BEND3: variants seen among roughly 807,000 people sequenced by gnomAD.
BEND3 encodes BEN domain-containing protein 3.
Under a neutral mutation model 60.1 loss-of-function variants are expected in BEND3, and 13 were observed. That is an observed-to-expected ratio of 0.22 (90% CI 0.14 to 0.34). The LOEUF (loss-of-function observed/expected upper bound fraction) is 0.34. BEND3 is among the 10% of genes least tolerant of loss of function. BEND3 has a pLI of 1.00. For synonymous variants in BEND3, 497 were observed against 491.5 expected, an observed-to-expected ratio of 1.01 and a Z score of -0.15; for missense variants, 896 against 1,138.1, an observed-to-expected ratio of 0.79 and a Z score of 3.06.
chr6:107,069,345 G>A lies in BEND3; in HGVS notation c.1846C>T (p.His616Tyr). 6.2e-7 allele frequency: 1 copy of A among 1,612,934 alleles called. No homozygotes were observed. ...LDPSRIKLIR[H>Y]YVQLLYPRAK... ...CGTGGGTAGAGCAGCTGCACGTAGT[G>A]GCGGATGAGCTTGATGCGGGAGGGG... Residue 616 changes from histidine (H) to tyrosine (Y), a missense_variant, in exon 4 of 4, where the codon CAC becomes TAC. This residue lies in a region of BEND3 where 846 missense variants were observed against 1,036.7 expected (regional missense o/e 0.82). Transcript: ENST00000369042.
chr6:107,079,557 A>ACTGGT (rs1322587084), intron 3 of BEND3, among the ~76,000 whole-genome samples: 21 of 152,116 alleles, frequency 1.4e-4, no homozygotes, highest in Admixed American at 1.4e-3. Flanking sequence ...CCACAGCCTG[A>ACTGGT]CTGGTCTGTA....
In BEND3 at chr6:107,102,844, C is replaced by T. The variant is rs376661866; in HGVS notation, c.-11-3548G>A. Among the ~76,000 whole-genome samples the T allele has an allele frequency of 1.5e-4, 23 of 152,298 alleles. 2 individuals are homozygous for T. In the East Asian group the frequency reaches 2.7e-3, roughly 18 times the overall value. The stretch of plus-strand genomic sequence containing the variant: ...CACTGCATGTGTGCCTGTGCCTCAC[C>T]CTGAGCTATTTTAGTTCCAATTTCA... On this transcript the variant is annotated intron_variant, in intron 1 of 3. Transcript: ENST00000369042.
At chr6:107,085,043 C>G (rs2783038) in intron 3 of BEND3, among the ~76,000 whole-genome samples, 122,423 of 151,718 alleles carry the variant, frequency 0.81, 49,437 homozygotes, top group East Asian at 0.89. Flanking sequence ...CTCATCACGA[C>G]GGTCTGCGGC....
chr6:107,068,827 G>A lies in BEND3; in HGVS notation c.2364C>T (p.Tyr788=). The A allele has an allele frequency of 1.2e-6, 2 of 1,614,142 alleles. No individual in the cohort carries two copies. Among genetic ancestry groups the A allele is most frequent in the Non-Finnish European group, 1.7e-6 (2 of 1,180,048 alleles). ...RLIRHYVEAV[Y]PVEKMEEVWH... ...ACACCTCCTCCATCTTCTCCACCGGGTAGACGGCTTCCACGTAGTGGCGGA... is the reference window on the plus strand; with the variant it reads ...ACACCTCCTCCATCTTCTCCACCGGATAGACGGCTTCCACGTAGTGGCGGA... Residue 788 remains tyrosine (Y), a synonymous_variant, in exon 4 of 4, where the codon TAC becomes TAT. Transcript: ENST00000369042. This position sits in a 1 kb window ranked among gnomAD's most constrained non-coding sequence, Gnocchi z 5.8.
chr6:107,069,501 A>C lies in BEND3; in HGVS notation c.1690T>G (p.Tyr564Asp). 6.2e-7 allele frequency: 1 copy of C among 1,613,108 alleles called. No homozygotes were observed. The highest frequency in any genetic ancestry group is 1.7e-4 in the Middle Eastern group (1 of 6,060). The stretch of plus-strand genomic sequence containing the variant: ...TTGCCGATGGACAGGCTGCTCTCGT[A>C]GATGCTGCGTAGCTGCTCCTTGCTG... ...LLSKEQLRSI[Y>D]ESSLSIGNFA... is the part of the protein sequence containing the mutation. Residue 564 changes from tyrosine to aspartate, a missense_variant, in exon 4 of 4, where the codon TAC (tyrosine) becomes GAC (aspartate). By Grantham distance (160) the Tyr-to-Asp change is radical. Coordinates refer to ENST00000369042, the MANE Select transcript of BEND3 (RefSeq NM_001367314.1).
chr6:107,082,922 G>T (rs1775263067), intron 3 of BEND3, among the ~76,000 whole-genome samples: 1 of 152,188 alleles, frequency 6.6e-6, no homozygotes, highest in African/African-American at 2.4e-5. Context: ...ATTTTTGGGA[G>T]TTCCTTTAGG....
intron 1 of BEND3, among the ~76,000 whole-genome samples, chr6:107,104,183 G>C (rs575151288): frequency 1.3e-5 from 2 of 150,452 alleles, no homozygotes; most frequent in South Asian, 2.1e-4. Context: ...CCAGCTACTC[G>C]GGAGGCTGAG....
At chr6:107,097,567 G>A (rs1339752828) in intron 3 of BEND3, among the ~76,000 whole-genome samples, 1 of 151,952 alleles carries the variant, frequency 6.6e-6, no homozygotes, top group African/African-American at 2.4e-5. Flanking sequence ...AAGGCAGGCA[G>A]ATCACCTGAG....
Position 107,066,994 on chromosome 6 carries a change from C to A in BEND3, c.*1710G>T, listed in dbSNP as rs1015215972. Reference sequence around the variant, plus strand: ...GACAGAGAGTCATTCAGTCCCTGTGCCTTTCTAAATCTGTTTGCAGTTTCA... The same window carrying A: ...GACAGAGAGTCATTCAGTCCCTGTGACTTTCTAAATCTGTTTGCAGTTTCA... On this transcript the variant is annotated 3_prime_UTR_variant, in exon 4 of 4. Coordinates refer to ENST00000369042, the MANE Select transcript of BEND3 (RefSeq NM_001367314.1). The A allele has an allele frequency of 3.3e-5, 5 of 152,152 alleles. No individual in the cohort carries two copies. Among genetic ancestry groups the A allele is most frequent in the Non-Finnish European group, 7.4e-5 (5 of 68,026 alleles). 9.4% of individuals were successfully genotyped at this position (152,152 alleles called of 1,614,324 possible).
chr6:107,077,646 T>C (rs1433910893), intron 3 of BEND3, among the ~76,000 whole-genome samples: 5 of 151,928 alleles, frequency 3.3e-5, no homozygotes, highest in Non-Finnish European at 7.4e-5. Flanking sequence ...AAGATATGAG[T>C]GCACCTAAGG....
At chr6:107,074,433 AT>A (rs1243325301) in intron 3 of BEND3, among the ~76,000 whole-genome samples, 1 of 152,150 alleles carries the variant, frequency 6.6e-6, no homozygotes, top group Non-Finnish European at 1.5e-5. Flanking sequence ...ATACATAAAA[AT>A]TTATTATTAC....
chr6:107,082,157 C>T (rs770425334), intron 3 of BEND3, among the ~76,000 whole-genome samples: 33 of 152,296 alleles, frequency 2.2e-4, no homozygotes, highest in Non-Finnish European at 2.8e-4. Flanking sequence ...GCCAACAGGA[C>T]ACTAGCACAT....
chr6:107,108,993 A>G (rs1223770084), intron 1 of BEND3, among the ~76,000 whole-genome samples: 2 of 151,964 alleles, frequency 1.3e-5, no homozygotes, highest in African/African-American at 2.4e-5. Flanking sequence ...TTCACTAGAG[A>G]TGGGGTTTGG....
chr6:107,075,128 A>T (rs111299129), intron 3 of BEND3, among the ~76,000 whole-genome samples: 1 of 151,710 alleles, frequency 6.6e-6, no homozygotes, highest in Non-Finnish European at 1.5e-5. Flanking sequence ...AGGGAGGCTT[A>T]GGTGGGAGGA....
intron 3 of BEND3, among the ~76,000 whole-genome samples, chr6:107,083,911 G>C (rs1462893500): frequency 6.6e-6 from 1 of 152,082 alleles, no homozygotes; most frequent in African/African-American, 2.4e-5. Flanking sequence ...AACACAGCGA[G>C]ACCCTATCTT....
chr6:107,101,892 A>C (rs1239404151), intron 1 of BEND3, among the ~76,000 whole-genome samples: 1 of 152,190 alleles, frequency 6.6e-6, no homozygotes, highest in Non-Finnish European at 1.5e-5. Flanking sequence ...ATTCCTGCCA[A>C]TCAAGGGGAG....
chr6:107,099,786 G>A (rs1285717605), intron 1 of BEND3, among the ~76,000 whole-genome samples: 1 of 152,112 alleles, frequency 6.6e-6, no homozygotes, highest in Non-Finnish European at 1.5e-5. Context: ...TCAAAATGTG[G>A]CTAGTCCAAT....
intron 3 of BEND3, among the ~76,000 whole-genome samples, chr6:107,076,755 G>A (rs1775108945): frequency 6.6e-6 from 1 of 152,152 alleles, no homozygotes; most frequent in Non-Finnish European, 1.5e-5. Flanking sequence ...AGTTGGGCTG[G>A]CATCTCCCTC....
chr6:107,107,940 T>C (rs1554237775), intron 1 of BEND3, among the ~76,000 whole-genome samples: 1 of 152,226 alleles, frequency 6.6e-6, no homozygotes, highest in Non-Finnish European at 1.5e-5. Flanking sequence ...CCATCCACTC[T>C]GGTGCCGCGG....
Sources: gnomAD v4.1 joint callset for allele counts (sites outside exome capture counted in the v4.1 genomes callset) on GRCh38, gnomAD v4.1.1 for gene constraint, gnomAD v4.1.1 regional missense constraint, Gnocchi (gnomAD v3.1) non-coding constraint, MANE v1.5 for transcripts, NCBI Gene and HGNC (gene_info 2026-07-23, HGNC 2026-07-21) for gene names.